Variants in NIPAL2 observed in about 807,000 individuals in gnomAD.
NIPAL2 encodes the protein NIPA like domain containing 2.
A neutral mutation model predicts 48.9 loss-of-function variants in NIPAL2; 43 were observed. The ratio of observed to expected loss-of-function variants is 0.88; its 90% CI spans 0.69 to 1.13. NIPAL2 has a LOEUF of 1.13. Among genes scored for constraint, NIPAL2 ranks in the 50% most tolerant of loss-of-function variants. The pLI is 0.00. For synonymous variants in NIPAL2, 167 were observed against 174.6 expected (o/e 0.96, Z 0.34); for missense variants, 446 against 461.4 (o/e 0.97, Z 0.31).
At chr8:98,197,854 C>A (rs184404778) in intron 8 of NIPAL2, among the ~76,000 whole-genome samples, 46 of 152,308 alleles carry the variant, frequency 3.0e-4, no homozygotes, top group African/African-American at 1.1e-3. Context: ...GCAGTTACTG[C>A]CTTCTCTGAA....
At chr8:98,258,604 G>A (rs544716620) in intron 1 of NIPAL2, among the ~76,000 whole-genome samples, 3 of 152,232 alleles carry the variant, frequency 2.0e-5, no homozygotes, top group South Asian at 2.1e-4. Context: ...ACTGAAACCC[G>A]AACTTAGGAG....
chr8:98,217,960 G>A (rs1811657397), intron 5 of NIPAL2, among the ~76,000 whole-genome samples: 1 of 152,034 alleles, frequency 6.6e-6, no homozygotes, highest in Non-Finnish European at 1.5e-5. Flanking sequence ...ATAAATGAAC[G>A]AATAAATTTA....
intron 1 of NIPAL2, among the ~76,000 whole-genome samples, chr8:98,264,858 T>C (rs1168557143): frequency 1.3e-5 from 2 of 152,064 alleles, no homozygotes; most frequent in Non-Finnish European, 2.9e-5. Context: ...GCTGGAGGCA[T>C]CACACTACCT....
chr8:98,253,437 T>A (rs201868932), intron 2 of NIPAL2, among the ~76,000 whole-genome samples: 1 of 152,244 alleles, frequency 6.6e-6, no homozygotes, highest in East Asian at 1.9e-4. Flanking sequence ...ATTTAAAATT[T>A]TTTATTTAAT....
intron 4 of NIPAL2, among the ~76,000 whole-genome samples, chr8:98,224,099 T>C (rs559563860): frequency 2.0e-5 from 3 of 152,354 alleles, no homozygotes; most frequent in Admixed American, 2.0e-4. Context: ...GACACTCCTT[T>C]ATCTCTTCTA....
chr8:98,194,111 G>C (rs1810431512), intron 10 of NIPAL2, among the ~76,000 whole-genome samples: 1 of 152,068 alleles, frequency 6.6e-6, no homozygotes, highest in African/African-American at 2.4e-5. Context: ...CAGTAAGGCT[G>C]GAGAGTGCTG....
rs1293392543 is a variant in NIPAL2, at chr8:98,190,940, A to C, written c.*2038T>G. The stretch of plus-strand genomic sequence containing the variant: ...TTAAAAAATCTTACAGGCCAGTACA[A>C]CTAAAACTCCTATTTACCTTACTTT... On this transcript the variant is annotated 3_prime_UTR_variant, in exon 11 of 11. Transcript: ENST00000430223. The C allele has an allele frequency of 6.6e-6, 1 of 152,230 alleles. No individual in the cohort carries two copies. The highest frequency in any genetic ancestry group is 2.4e-5 in the African/African-American group (1 of 41,452). The allele number at this position is 152,230 out of a possible 1,614,324, so 9.4% of individuals were successfully genotyped here.
At chr8:98,284,813 A>T (rs1816064281) in intron 1 of NIPAL2, among the ~76,000 whole-genome samples, 1 of 152,076 alleles carries the variant, frequency 6.6e-6, no homozygotes, top group South Asian at 2.1e-4. Flanking sequence ...TCACACCATA[A>T]CCTAAGTCAG....
intron 7 of NIPAL2, among the ~76,000 whole-genome samples, chr8:98,204,130 G>A (rs1810925187): frequency 6.6e-6 from 1 of 152,114 alleles, no homozygotes; most frequent in South Asian, 2.1e-4. Context: ...AGTATGGTAT[G>A]AAGATAATGC....
chr8:98,206,515 G>A (rs750086546), intron 6 of NIPAL2, among the ~76,000 whole-genome samples: 6 of 151,934 alleles, frequency 3.9e-5, no homozygotes, highest in Non-Finnish European at 7.4e-5. Context: ...GGCCGGGCGC[G>A]GTGGCTCACA....
intron 3 of NIPAL2, among the ~76,000 whole-genome samples, chr8:98,243,880 C>G (rs184597966): frequency 6.6e-6 from 1 of 152,250 alleles, no homozygotes; most frequent in African/African-American, 2.4e-5. Context: ...TATTTAAACT[C>G]TCTTCCCCTA....
In NIPAL2 at chr8:98,238,937, G is replaced by T. The variant is rs368967729; in HGVS notation, c.377-2723C>A. Among the ~76,000 whole-genome samples, 91 of 152,166 alleles carry T rather than the reference G, an allele frequency of 6.0e-4. 1 individual carries two copies. The South Asian group carries it at 0.016, about 26-fold the overall frequency. On this transcript the variant is annotated intron_variant, in intron 3 of 10. Transcript: ENST00000430223. ...TTTCCCATGGTAGAGCATGAGAAAA[G>T]GTATTAAAAACCCAAACCCCTACCC...
intron 1 of NIPAL2, among the ~76,000 whole-genome samples, chr8:98,289,405 T>C (rs551058319): frequency 6.6e-6 from 1 of 152,276 alleles, no homozygotes; most frequent in East Asian, 1.9e-4. Context: ...TAAAACTCAG[T>C]TCCTCTAACA....
intron 4 of NIPAL2, among the ~76,000 whole-genome samples, chr8:98,223,712 C>T (rs1355578298): frequency 6.6e-6 from 1 of 152,140 alleles, no homozygotes; most frequent in East Asian, 1.9e-4. Context: ...AACAGCAATT[C>T]AGGGTATCGT....
At chr8:98,221,888 G>A (rs893692824) in intron 5 of NIPAL2, among the ~76,000 whole-genome samples, 41 of 152,270 alleles carry the variant, frequency 2.7e-4, no homozygotes, top group Non-Finnish European at 3.2e-4. Context: ...ATTCCTCAAG[G>A]ATCTAGAACT....
intron 5 of NIPAL2, among the ~76,000 whole-genome samples, chr8:98,214,796 C>T (rs958158685): frequency 3.3e-5 from 5 of 152,058 alleles, no homozygotes; most frequent in East Asian, 3.9e-4. Context: ...TTTTCTTCTC[C>T]GGGTAAATTA....
chr8:98,281,406 G>A (rs537559743), intron 1 of NIPAL2, among the ~76,000 whole-genome samples: 1 of 152,096 alleles, frequency 6.6e-6, no homozygotes. Flanking sequence ...CAGGAAGAAT[G>A]AGTAAGATCA....
chr8:98,197,437 T>C (rs111878660), intron 8 of NIPAL2, among the ~76,000 whole-genome samples: 5,751 of 152,282 alleles, frequency 0.038, 350 homozygotes, highest in African/African-American at 0.13. Context: ...AGGGTGGTGG[T>C]TGCTGAAGGT....
At chr8:98,221,274 C>T (rs114867549) in intron 5 of NIPAL2, among the ~76,000 whole-genome samples, 1 of 151,910 alleles carries the variant, frequency 6.6e-6, no homozygotes, top group African/African-American at 2.4e-5. Flanking sequence ...CCGTGCCCAG[C>T]CTCATTTCAT....
Sources: allele counts gnomAD v4.1 joint callset (sites outside exome capture counted in the v4.1 genomes callset), GRCh38; gene constraint gnomAD v4.1.1; transcripts MANE v1.5; gene names NCBI Gene and HGNC (gene_info 2026-07-23, HGNC 2026-07-21).